The following DAW1 variants were observed in gnomAD, a reference collection of about 807,000 sequenced individuals.
DAW1 encodes the protein dynein assembly factor with WD repeat domains 1.
In DAW1, 47 loss-of-function variants were observed where a neutral mutation model predicts 56.5. The observed-to-expected ratio is 0.83, with a 90% CI of 0.66 to 1.06. The LOEUF (loss-of-function observed/expected upper bound fraction) is 1.06, where lower values mean the gene tolerates loss of function less well. DAW1 is among the 50% of genes least tolerant of loss of function. The pLI, the probability that DAW1 is intolerant of heterozygous loss-of-function variation, is 0.00. For missense variants in DAW1, 505 were observed against 499.3 expected (o/e 1.01, Z -0.11); for synonymous variants, 190 against 179.0 (o/e 1.06, Z -0.49).
At chr2:227,909,270 A>ATCTATCTAATCTG (rs1553603365) in intron 10 of DAW1, among the ~76,000 whole-genome samples, 1 of 144,454 alleles carries the variant, frequency 6.9e-6, no homozygotes, top group African/African-American at 2.6e-5. Flanking sequence ...CTATCTATCT[A>ATCTATCTAATCTG]TCTGTCTGTC....
chr2:227,878,809 ATT>A (rs61488173), intron 1 of DAW1, among the ~76,000 whole-genome samples: 33 of 138,110 alleles, frequency 2.4e-4, no homozygotes, highest in Admixed American at 1.2e-3. Context: ...TTTAAATTTA[ATT>A]TTTTTTTTTT....
chr2:227,896,959 G>A (rs1691425394), intron 5 of DAW1, among the ~76,000 whole-genome samples: 1 of 151,870 alleles, frequency 6.6e-6, no homozygotes, highest in Non-Finnish European at 1.5e-5. Flanking sequence ...GGTGACATGT[G>A]CCTGTAGTCC....
intron 1 of DAW1, among the ~76,000 whole-genome samples, chr2:227,883,462 G>A (rs766656916): frequency 2.0e-4 from 30 of 152,314 alleles, no homozygotes; most frequent in African/African-American, 3.6e-4. Flanking sequence ...CATCAAAAGT[G>A]TGAAATAGAC....
At chr2:227,920,433 G>A (rs1692076861) in intron 11 of DAW1, among the ~76,000 whole-genome samples, 1 of 152,100 alleles carries the variant, frequency 6.6e-6, no homozygotes, top group Non-Finnish European at 1.5e-5. Context: ...GTGATTAGAG[G>A]GGGATGTAAG....
intron 1 of DAW1, among the ~76,000 whole-genome samples, chr2:227,876,237 G>A (rs1267212295): frequency 1.3e-5 from 2 of 152,182 alleles, no homozygotes; most frequent in Non-Finnish European, 2.9e-5. Flanking sequence ...AGCCAGGATG[G>A]TCTTGATCTC....
Position 227,913,928 on chromosome 2 carries a change from T to TATCTTCA in DAW1, c.974-4852_974-4851insATCTTCA, listed in dbSNP as rs201424453. ...CTGTCTGTCTGTCTGTCTATCTATCTTCATCATCATCATCATCATCATCTA... is the reference window on the plus strand; with the variant it reads ...CTGTCTGTCTGTCTGTCTATCTATCTATCTTCATCATCATCATCATCATCATCATCTA... On this transcript the variant is annotated intron_variant, in intron 10 of 12. Coordinates refer to ENST00000309931, the MANE Select transcript of DAW1 (RefSeq NM_178821.3). 4.4e-3 allele frequency among the ~76,000 whole-genome samples: 647 copies of TATCTTCA among 147,612 alleles called. 11 individuals are homozygous for TATCTTCA. Among genetic ancestry groups the TATCTTCA allele is most frequent in the African/African-American group, 0.016 (618 of 39,534 alleles).
rs770990523 is a variant in DAW1 at position 227,907,240 on chromosome 2, G to T, written c.961G>T (p.Ala321Ser). 1.9e-6 allele frequency: 3 copies of T among 1,612,250 alleles called. No homozygotes were observed. Among genetic ancestry groups the T allele is most frequent in the Non-Finnish European group, 2.5e-6 (3 of 1,179,066 alleles). ...FDYTGKLIATASADGTARIFS... is the reference protein window; with the variant it reads ...FDYTGKLIATSSADGTARIFS... The stretch of plus-strand genomic sequence containing the variant: ...TTACACTGGAAAGCTTATTGCAACT[G>T]CTTCAGCTGATGGTAGGTGATCTGT... Residue 321 changes from alanine to serine, a missense_variant, in exon 10 of 13, where the codon GCT (alanine) becomes TCT (serine). Transcript: ENST00000309931.
At chr2:227,889,340 G>A (rs6736707) in intron 2 of DAW1, among the ~76,000 whole-genome samples, 61,150 of 151,984 alleles carry the variant, frequency 0.4, 13,718 homozygotes, top group Admixed American at 0.55. Context: ...GCTGCACTCT[G>A]CTTCCAGGAT....
chr2:227,899,094 CAATT>C (rs1281955493), intron 6 of DAW1, among the ~76,000 whole-genome samples: 2 of 152,168 alleles, frequency 1.3e-5, no homozygotes, highest in African/African-American at 4.8e-5. Flanking sequence ...TATCTGATAA[CAATT>C]AGTGCAATAA....
chr2:227,888,635 C>G (rs1260899265), intron 2 of DAW1, among the ~76,000 whole-genome samples: 1 of 152,210 alleles, frequency 6.6e-6, no homozygotes, highest in Non-Finnish European at 1.5e-5. Context: ...TAGAAGCTGT[C>G]AGGCAACAAA....
rs1488041993 is a variant in DAW1 at position 227,923,447 on chromosome 2, G to A, written c.1214-487G>A. ...CTCACACTTCTTATATTGATGTTATGTGCCTGGTCCCTGAAGGTGAGAAAA... is the reference window on the plus strand; with the variant it reads ...CTCACACTTCTTATATTGATGTTATATGCCTGGTCCCTGAAGGTGAGAAAA... On this transcript the variant is annotated intron_variant, in intron 12 of 12. Transcript: ENST00000309931. Among the ~76,000 whole-genome samples the A allele has an allele frequency of 3.3e-5, 5 of 152,190 alleles. No individual in the cohort carries two copies. In the East Asian group the frequency reaches 7.7e-4, roughly 23 times the overall value.
intron 5 of DAW1, among the ~76,000 whole-genome samples, chr2:227,896,800 A>G (rs1691420555): frequency 6.6e-6 from 1 of 152,108 alleles, no homozygotes; most frequent in Non-Finnish European, 1.5e-5. Context: ...AGTTTGTGAT[A>G]GAATAGATAT....
chr2:227,915,605 T>C (rs1691933257), intron 10 of DAW1, among the ~76,000 whole-genome samples: 1 of 152,132 alleles, frequency 6.6e-6, no homozygotes, highest in Non-Finnish European at 1.5e-5. Context: ...AATCATCTCC[T>C]TGAGAATGAT....
At chr2:227,882,217 C>T (rs1055862303) in intron 1 of DAW1, among the ~76,000 whole-genome samples, 2 of 152,202 alleles carry the variant, frequency 1.3e-5, no homozygotes, top group East Asian at 3.8e-4. Flanking sequence ...CTCCTGGGAA[C>T]CCTTGAACAC....
intron 10 of DAW1, among the ~76,000 whole-genome samples, chr2:227,908,992 G>T (rs149106101): frequency 1.3e-5 from 2 of 152,088 alleles, no homozygotes; most frequent in Non-Finnish European, 2.9e-5. Flanking sequence ...ATGCTATATT[G>T]TATCTATGTC....
intron 5 of DAW1, among the ~76,000 whole-genome samples, chr2:227,894,652 ATG>A (rs1691363817): frequency 6.6e-6 from 1 of 152,188 alleles, no homozygotes; most frequent in South Asian, 2.1e-4. Context: ...CAGGAAAAAA[ATG>A]TGTGTGGTAA....
At chr2:227,880,131 G>T (rs1228243509) in intron 1 of DAW1, among the ~76,000 whole-genome samples, 1 of 152,090 alleles carries the variant, frequency 6.6e-6, no homozygotes, top group Non-Finnish European at 1.5e-5. Context: ...CACATTTCTT[G>T]TTAATTCTAT....
intron 5 of DAW1, among the ~76,000 whole-genome samples, chr2:227,896,222 A>C (rs983317253): frequency 5.3e-5 from 8 of 152,198 alleles, no homozygotes; most frequent in Non-Finnish European, 1.5e-5. Context: ...GCTTATGAAA[A>C]GATAAAGATT....
At chr2:227,906,733 T>A (rs1691692597) in intron 9 of DAW1, among the ~76,000 whole-genome samples, 2 of 152,250 alleles carry the variant, frequency 1.3e-5, no homozygotes, top group Admixed American at 6.5e-5. Flanking sequence ...ATCATTTGTT[T>A]ATGTAACAAA....
Sources: allele counts gnomAD v4.1 joint callset (sites outside exome capture counted in the v4.1 genomes callset), GRCh38; gene constraint gnomAD v4.1.1; transcripts MANE v1.5; gene names NCBI Gene and HGNC (gene_info 2026-07-23, HGNC 2026-07-21).